MPDZ: variants seen among roughly 807,000 people sequenced by gnomAD.
MPDZ encodes multiple PDZ domain crumbs cell polarity complex component, also known as multiple PDZ domain protein.
Under a neutral mutation model 239.1 loss-of-function variants are expected in MPDZ, and 234 were observed. The ratio of observed to expected loss-of-function variants is 0.98; its 90% CI spans 0.88 to 1.09. The LOEUF (loss-of-function observed/expected upper bound fraction) is 1.09, where lower values mean the gene tolerates loss of function less well. Among genes scored for constraint, MPDZ ranks in the 50% least tolerant of loss-of-function variants. MPDZ has a pLI of 0.00. For synonymous variants in MPDZ, 1,048 were observed against 881.3 expected (o/e 1.19, Z -3.35); for missense variants, 3,175 against 2,510.0 (o/e 1.26, Z -5.66).
Position 13,158,127 on chromosome 9 carries a change from A to G in MPDZ, c.3360-17T>C, listed in dbSNP as rs1950045103. The G allele has an allele frequency of 6.3e-7, 1 of 1,594,004 alleles. No homozygotes were observed. Among genetic ancestry groups the G allele is most frequent in the Admixed American group, 1.7e-5 (1 of 59,748 alleles). ...GGAATGTCTCTGGTTAAAGAATTAC[A>G]CAATGAGTACCCCAAAATCCTAGTA... On this transcript the variant is annotated splice_polypyrimidine_tract_variant and intron_variant, in intron 23 of 46. Coordinates refer to ENST00000319217, the MANE Select transcript of MPDZ (RefSeq NM_001378778.1).
At chr9:13,147,519 T>A (rs369843879) in intron 26 of MPDZ, 29 bp downstream of exon 26, 2 of 1,529,534 alleles carry the variant, frequency 1.3e-6, no homozygotes, top group Non-Finnish European at 1.8e-6. Flanking sequence ...TGTTTGGATA[T>A]GCCTACCTTG....
At chr9:13,124,713 G>A (rs1944867829) in intron 35 of MPDZ, among the ~76,000 whole-genome samples, 1 of 152,082 alleles carries the variant, frequency 6.6e-6, no homozygotes. Context: ...GTAGATCATG[G>A]CAATGACTAA....
rs923602263 is a variant in MPDZ, at chr9:13,110,655, G to A, written c.5810C>T (p.Ser1937Phe). 6.2e-7 allele frequency: 1 copy of A among 1,613,446 alleles called. No individual in the cohort carries two copies. Among genetic ancestry groups the A allele is most frequent in the Non-Finnish European group, 8.5e-7 (1 of 1,179,658 alleles). The part of the protein sequence containing the change: ...TQAVNLLKNA[S>F]GSIEMQVVAG... ...TCTTACCTGCATTTCAATGGAGCCAGATGCATTTTTCAGTAGGTTAACTGC... is the reference window on the plus strand; with the variant it reads ...TCTTACCTGCATTTCAATGGAGCCAAATGCATTTTTCAGTAGGTTAACTGC... The change falls in exon 44 of 47, where the codon TCT becomes TTT. Residue 1937 changes from serine (S) to phenylalanine (F), a missense_variant. Coordinates refer to ENST00000319217, the MANE Select transcript of MPDZ (RefSeq NM_001378778.1).
At chr9:13,136,616 A>G (rs2132292331) in intron 30 of MPDZ, 96 bp downstream of exon 30, 1 of 849,490 alleles carries the variant, frequency 1.2e-6, no homozygotes, top group Non-Finnish European at 1.9e-6. Flanking sequence ...ATGAGCCAGC[A>G]TGCCCGGCTA....
chr9:13,230,684 G>C (rs1191113135), intron 3 of MPDZ, among the ~76,000 whole-genome samples: 2 of 152,082 alleles, frequency 1.3e-5, no homozygotes, highest in Non-Finnish European at 2.9e-5. Context: ...TGATAAAATA[G>C]ATCTGATCTT....
Position 13,273,308 on chromosome 9 carries a change from T to C in MPDZ, c.-58+6092A>G, listed in dbSNP as rs547310165. Among the ~76,000 whole-genome samples, 12 of 152,316 alleles carry C rather than the reference T, an allele frequency of 7.9e-5. 1 individual carries two copies. The South Asian group carries it at 2.1e-3, about 26-fold the overall frequency. On this transcript the variant is annotated intron_variant, in intron 1 of 46. Coordinates refer to ENST00000319217, the MANE Select transcript of MPDZ (RefSeq NM_001378778.1). Reference sequence around the variant, plus strand: ...AATATATCGGAAAGGAGTTTTTAAATTGTAGAATAATCTTTAATCTTTATG... The same window carrying C: ...AATATATCGGAAAGGAGTTTTTAAACTGTAGAATAATCTTTAATCTTTATG...
chr9:13,153,783 CCTT>C (rs1949492424), intron 24 of MPDZ, among the ~76,000 whole-genome samples: 1 of 151,690 alleles, frequency 6.6e-6, no homozygotes, highest in South Asian at 2.1e-4. Flanking sequence ...AGGTAGGACT[CCTT>C]AACTCTTTTC....
Position 13,183,543 on chromosome 9 carries a change from C to A in MPDZ, c.2524G>T (p.Glu842Ter). 6.2e-7 allele frequency: 1 copy of A among 1,612,412 alleles called. No homozygotes were observed. Among genetic ancestry groups the A allele is most frequent in the Non-Finnish European group, 8.5e-7 (1 of 1,179,024 alleles). The change falls in exon 19 of 47, where the codon GAG becomes TAG. Residue 842 changes from glutamate to a stop codon, truncating the protein, a stop_gained. Coordinates refer to ENST00000319217, the MANE Select transcript of MPDZ (RefSeq NM_001378778.1). LOFTEE classifies it high-confidence loss of function. The stretch of plus-strand genomic sequence containing the variant: ...TCATTTTCAGGAGAGTATGGAGACT[C>A]AAATGTGGATTCATCTACTAAGTCA... ...DADLVDESTF[E>*]SPYSPENDSI...
At chr9:13,239,158 G>A (rs985867746) in intron 3 of MPDZ, among the ~76,000 whole-genome samples, 3 of 152,082 alleles carry the variant, frequency 2.0e-5, no homozygotes, top group Non-Finnish European at 4.4e-5. Context: ...ATCTGGATCA[G>A]GTTTGTCTCC....
intron 22 of MPDZ, among the ~76,000 whole-genome samples, chr9:13,168,127 G>A (rs1034980888): frequency 3.3e-5 from 5 of 151,984 alleles, no homozygotes; most frequent in Admixed American, 1.3e-4. Context: ...AGAAATCACT[G>A]GAGAAGTATA....
At chr9:13,170,873 G>A (rs1171798611) in intron 21 of MPDZ, among the ~76,000 whole-genome samples, 1 of 152,124 alleles carries the variant, frequency 6.6e-6, no homozygotes, top group Non-Finnish European at 1.5e-5. Flanking sequence ...CAATTTTCCA[G>A]GTGCAATAAC....
At chr9:13,141,735 T>A (rs1295698613) in intron 27 of MPDZ, among the ~76,000 whole-genome samples, 3 of 152,156 alleles carry the variant, frequency 2.0e-5, no homozygotes, top group Non-Finnish European at 4.4e-5. Context: ...TGAGACTGAA[T>A]GCGACCTTTC....
At chr9:13,242,130 C>G (rs1965552643) in intron 3 of MPDZ, among the ~76,000 whole-genome samples, 1 of 148,740 alleles carries the variant, frequency 6.7e-6, no homozygotes, top group East Asian at 2.0e-4. Context: ...TTTTAAAGAA[C>G]AATTACTATA....
At chr9:13,109,151 G>C in intron 45 of MPDZ, 92 bp from the exon 46 acceptor site, 2 of 1,036,988 alleles carry the variant, frequency 1.9e-6, no homozygotes, top group Non-Finnish European at 1.2e-6. Context: ...CCTAGAGCTA[G>C]CATAATTCTC....
chr9:13,233,648 G>T (rs2131894), intron 3 of MPDZ, among the ~76,000 whole-genome samples: 148,102 of 152,184 alleles, frequency 0.97, 72,179 homozygotes, highest in Middle Eastern at 1. Context: ...TATTTCTCAA[G>T]TTTTCAAAGT....
chr9:13,116,798 A>AGATGGGGG (rs1373644106), intron 39 of MPDZ, among the ~76,000 whole-genome samples: 2 of 152,222 alleles, frequency 1.3e-5, no homozygotes, highest in Admixed American at 6.5e-5. Flanking sequence ...AAATGAAAAA[A>AGATGGGGG]GATGGGGGAA....
intron 21 of MPDZ, among the ~76,000 whole-genome samples, chr9:13,173,513 G>C (rs1952053218): frequency 6.6e-6 from 1 of 151,772 alleles, no homozygotes; most frequent in East Asian, 1.9e-4. Flanking sequence ...GACCAACCTG[G>C]GCAACATGGT....
At chr9:13,227,471 G>A (rs1249906759) in intron 3 of MPDZ, among the ~76,000 whole-genome samples, 1 of 151,974 alleles carries the variant, frequency 6.6e-6, no homozygotes, top group African/African-American at 2.4e-5. Context: ...TGAAATTTGT[G>A]ACAGCCTGAG....
In MPDZ at chr9:13,122,122, C is replaced by T. The variant is rs1253261632; in HGVS notation, c.5002G>A (p.Asp1668Asn). 1 of 1,613,946 alleles carries T rather than the reference C, an allele frequency of 6.2e-7. No homozygotes were observed. The highest frequency in any genetic ancestry group is 1.7e-5 in the Admixed American group (1 of 60,006). The change falls in exon 37 of 47, where the codon GAT becomes AAT. Residue 1668 changes from aspartate (D) to asparagine (N), a missense_variant. Asp to Asn is a conservative substitution (Grantham distance 23). Coordinates refer to ENST00000319217, the MANE Select transcript of MPDZ (RefSeq NM_001378778.1). ...EVYEEGAACK[D>N]GRLWAGDQIL... ...TGATCTCCAGCCCAGAGTCTTCCAT[C>T]TTTACATGCTGCTCCTTCTTCATAA...
Sources: gnomAD v4.1 joint callset for allele counts (sites outside exome capture counted in the v4.1 genomes callset) on GRCh38, gnomAD v4.1.1 for gene constraint, MANE v1.5 for transcripts, NCBI Gene and HGNC (gene_info 2026-07-23, HGNC 2026-07-21) for gene names.